DROSHA: variants seen among roughly 807,000 people sequenced by gnomAD.
DROSHA encodes the protein ribonuclease 3.
A neutral mutation model predicts 181.9 loss-of-function variants in DROSHA; 56 were observed. The ratio of observed to expected loss-of-function variants is 0.31; its 90% CI spans 0.25 to 0.38. The LOEUF (loss-of-function observed/expected upper bound fraction) is 0.38. Among genes scored for constraint, DROSHA ranks in the 10% least tolerant of loss-of-function variants. The probability of loss-of-function intolerance (pLI) is 1.00; values close to 1 mark genes in which losing one functional copy is unlikely to be tolerated. For synonymous variants in DROSHA, 524 were observed against 591.2 expected, an observed-to-expected ratio of 0.89 and a Z score of 1.65; for missense variants, 1,218 against 1,743.5, an observed-to-expected ratio of 0.70 and a Z score of 5.37.
At chr5:31,489,285 G>C (rs1312796305) in intron 13 of DROSHA, among the ~76,000 whole-genome samples, 1 of 152,130 alleles carries the variant, frequency 6.6e-6, no homozygotes, top group Non-Finnish European at 1.5e-5. Flanking sequence ...ATAGGAAAAA[G>C]CACTCTGCTA....
chr5:31,500,471 G>A (rs949907252), intron 11 of DROSHA, among the ~76,000 whole-genome samples: 4 of 152,222 alleles, frequency 2.6e-5, no homozygotes, highest in African/African-American at 7.2e-5. Flanking sequence ...AACGGCCCAC[G>A]CTGAGCAAAG....
chr5:31,453,930 A>T (rs1184858305), intron 20 of DROSHA, among the ~76,000 whole-genome samples: 377 of 115,734 alleles, frequency 3.3e-3, no homozygotes, highest in African/African-American at 0.015. Context: ...GCTTTAATTA[A>T]AAAAAAAAAA....
At chr5:31,429,635 C>CAA (rs1003796858) in intron 26 of DROSHA, 90 bp from the exon 27 acceptor site, 30 of 990,884 alleles carry the variant, frequency 3.0e-5, no homozygotes, top group Non-Finnish European at 3.9e-5. Context: ...AAACGCAAGC[C>CAA]AAAAACTACT....
intron 6 of DROSHA, among the ~76,000 whole-genome samples, chr5:31,519,428 C>T (rs983657175): frequency 6.6e-6 from 1 of 152,114 alleles, no homozygotes; most frequent in African/African-American, 2.4e-5. Context: ...CTATCAAACG[C>T]ACTTACAGCA....
chr5:31,403,449 A>G (rs916122026), intron 35 of DROSHA, among the ~76,000 whole-genome samples: 1 of 152,198 alleles, frequency 6.6e-6, no homozygotes, highest in African/African-American at 2.4e-5. Context: ...ACACCTAGAC[A>G]CTTGAACATT....
chr5:31,503,194 A>G (rs898883933), intron 11 of DROSHA, among the ~76,000 whole-genome samples: 4 of 152,200 alleles, frequency 2.6e-5, no homozygotes, highest in African/African-American at 9.6e-5. Flanking sequence ...GGAGGGGCAC[A>G]TGAATGAAGT....
intron 6 of DROSHA, among the ~76,000 whole-genome samples, chr5:31,515,834 G>A (rs1739216745): frequency 6.6e-6 from 1 of 152,072 alleles, no homozygotes; most frequent in African/African-American, 2.4e-5. Context: ...TTTGCCTAAT[G>A]TTGGTCCTCA....
At chr5:31,434,783 T>A (rs1459215736) in intron 25 of DROSHA, among the ~76,000 whole-genome samples, 2 of 152,202 alleles carry the variant, frequency 1.3e-5, no homozygotes, top group African/African-American at 4.8e-5. Context: ...TGCCAGTGGA[T>A]CCTCAGTGCT....
intron 13 of DROSHA, among the ~76,000 whole-genome samples, chr5:31,492,487 G>T (rs1180457616): frequency 6.6e-6 from 1 of 152,196 alleles, no homozygotes; most frequent in Non-Finnish European, 1.5e-5. Flanking sequence ...ATTTGATGTG[G>T]ATATACAATA....
At position 31,409,140 on chromosome 5, in the gene DROSHA, T is replaced by C. The variant is rs1579982002; in HGVS notation, c.3770A>G (p.Asp1257Gly). 1.2e-6 allele frequency: 2 copies of C among 1,613,910 alleles called. No individual in the cohort carries two copies. Among genetic ancestry groups the C allele is most frequent in the Non-Finnish European group, 1.7e-6 (2 of 1,179,838 alleles). Residue 1257 changes from aspartate to glycine, a missense_variant, in exon 33 of 36, where the codon GAT becomes GGT. Around this residue, in one of 8 missense-constraint regions of DROSHA, gnomAD observed 48 missense variants for 124.9 expected, o/e 0.38. Coordinates refer to ENST00000344624, the MANE Select transcript of DROSHA (RefSeq NM_001382508.1). The surrounding 1 kb of genome is among the most constrained non-coding windows in gnomAD (Gnocchi z 4.0). ...AAGCTGGGATTTGGGGTCATTCCAATCCTGATTCAAAATGAACTCCTGTGG... is the reference window on the plus strand; with the variant it reads ...AAGCTGGGATTTGGGGTCATTCCAACCCTGATTCAAAATGAACTCCTGTGG... ...PRLKEFILNQ[D>G]WNDPKSQLQQ...
intron 12 of DROSHA, 136 bp from the exon 13 acceptor site, chr5:31,493,429 G>T: frequency 1.5e-6 from 1 of 665,226 alleles, no homozygotes; most frequent in South Asian, 2.6e-5. Flanking sequence ...TTTATACAAA[G>T]TTTAATTTTA....
chr5:31,435,864 GCT>G lies in DROSHA; in HGVS notation c.2943-2_2943-1del. On this transcript the variant is annotated splice_acceptor_variant, in intron 24 of 35. Coordinates refer to ENST00000344624, the MANE Select transcript of DROSHA (RefSeq NM_001382508.1). LOFTEE classifies it high-confidence loss of function. ...TAGGAAACAAATAGTACAAATGGAC[GCT>G]ACAAAAAAAAAAAGAAGTACATGAA... 1 of 1,602,386 alleles carries G rather than the reference GCT, an allele frequency of 6.2e-7. No individual in the cohort carries two copies. Among genetic ancestry groups the G allele is most frequent in the Admixed American group, 1.7e-5 (1 of 57,324 alleles).
rs34043904 is a variant in DROSHA at position 31,525,329 on chromosome 5, C to CAAA, written c.854+747_854+749dup. Among the ~76,000 whole-genome samples the CAAA allele has an allele frequency of 3.5e-3, 163 of 45,922 alleles. 2 individuals are homozygous for CAAA. Among genetic ancestry groups the CAAA allele is most frequent in the East Asian group, 0.016 (18 of 1,126 alleles). The allele number at this position is 45,922 out of a possible 152,430, so 30.1% of individuals were successfully genotyped here. ...TAGGCAACAAAGCAAGACTTCATCT[C>CAAA]AAAAAAAAAAAAAAAAAAAAAAAAA... is the stretch of plus-strand genomic sequence containing the variant. On this transcript the variant is annotated intron_variant, in intron 5 of 35. Transcript: ENST00000344624.
At chr5:31,523,699 G>A (rs953284246) in intron 5 of DROSHA, among the ~76,000 whole-genome samples, 3 of 152,022 alleles carry the variant, frequency 2.0e-5, no homozygotes, top group Non-Finnish European at 4.4e-5. Context: ...TGCCAGCCAG[G>A]AGCGGTGGCT....
At chr5:31,443,086 C>G (rs1745806481) in intron 23 of DROSHA, among the ~76,000 whole-genome samples, 1 of 148,508 alleles carries the variant, frequency 6.7e-6, no homozygotes, top group Admixed American at 6.7e-5. Context: ...GTCGCATGAT[C>G]TTGGCTCACT....
rs149110090 is a variant in DROSHA at position 31,514,632 on chromosome 5, G to A, written c.1290+356C>T. On this transcript the variant is annotated intron_variant, in intron 8 of 35. Transcript: ENST00000344624. This position sits in a 1 kb window ranked among gnomAD's most constrained non-coding sequence, Gnocchi z 4.4. ...TGCACTCCAGCCTGGGTGACAGAGCGAGACCCTGTCTCAAAAATAAATAAA... is the reference window on the plus strand; with the variant it reads ...TGCACTCCAGCCTGGGTGACAGAGCAAGACCCTGTCTCAAAAATAAATAAA... 1.2e-4 allele frequency among the ~76,000 whole-genome samples: 19 copies of A among 152,208 alleles called. No homozygotes were observed. Among genetic ancestry groups the A allele is most frequent in the Admixed American group, 7.8e-4 (12 of 15,288 alleles).
At chr5:31,513,124 T>C (rs1418040968) in intron 8 of DROSHA, among the ~76,000 whole-genome samples, 1 of 152,070 alleles carries the variant, frequency 6.6e-6, no homozygotes, top group Admixed American at 6.5e-5. Context: ...GGTAAAGGGA[T>C]GGAAGGGGAG....
intron 5 of DROSHA, among the ~76,000 whole-genome samples, chr5:31,523,397 T>A (rs1740131155): frequency 6.6e-6 from 1 of 152,236 alleles, no homozygotes; most frequent in South Asian, 2.1e-4. Context: ...TTGATTTTAC[T>A]GAGATCCGCA....
Position 31,478,402 on chromosome 5 carries a change from G to A in DROSHA, c.2071+5152C>T, listed in dbSNP as rs186425269. Among the ~76,000 whole-genome samples, 459 of 152,368 alleles carry A rather than the reference G, an allele frequency of 3.0e-3. 1 individual carries two copies. The highest frequency in any genetic ancestry group is 5.2e-3 in the Non-Finnish European group (356 of 68,038). The stretch of plus-strand genomic sequence containing the variant: ...CCGTCCTGGGCCATATGTGGCCCAT[G>A]GGCTGTGGGTTGGACAAGCTTGGAC... On this transcript the variant is annotated intron_variant, in intron 16 of 35. Coordinates refer to ENST00000344624, the MANE Select transcript of DROSHA (RefSeq NM_001382508.1).
Sources: gnomAD v4.1 joint callset for allele counts (sites outside exome capture counted in the v4.1 genomes callset) on GRCh38, gnomAD v4.1.1 for gene constraint, gnomAD v4.1.1 regional missense constraint, Gnocchi (gnomAD v3.1) non-coding constraint, MANE v1.5 for transcripts, NCBI Gene and HGNC (gene_info 2026-07-23, HGNC 2026-07-21) for gene names.